Variants in LIN52 observed in about 807,000 individuals in gnomAD.
LIN52 encodes protein lin-52 homolog.
LIN52 carries 4 observed loss-of-function variants against 18.5 expected under a neutral mutation model. The observed-to-expected ratio is 0.22, with a 90% CI of 0.11 to 0.49. The LOEUF is 0.49. LIN52 is among the 20% of genes least tolerant of loss of function. The pLI is 0.97. For missense variants in LIN52, 102 were observed against 139.5 expected (o/e 0.73, Z 1.35); for synonymous variants, 34 against 45.5 (o/e 0.75, Z 1.02).
intron 5 of LIN52, among the ~76,000 whole-genome samples, chr14:74,160,792 A>G (rs1258006173): frequency 6.6e-6 from 1 of 152,174 alleles, no homozygotes; most frequent in Admixed American, 6.5e-5. Flanking sequence ...GCAGTTTATA[A>G]TCACTCCTTG....
At chr14:74,198,232 A>G (rs1476202469) in intron 5 of LIN52, among the ~76,000 whole-genome samples, 1 of 152,194 alleles carries the variant, frequency 6.6e-6, no homozygotes, top group African/African-American at 2.4e-5. Context: ...GGAGCCTTAT[A>G]TGTAGGAAAG....
intron 5 of LIN52, among the ~76,000 whole-genome samples, chr14:74,178,686 C>T (rs2061303767): frequency 6.6e-6 from 1 of 151,768 alleles, no homozygotes. Flanking sequence ...TCTCAAATTC[C>T]TGGCCTCAAG....
intron 5 of LIN52, among the ~76,000 whole-genome samples, chr14:74,145,880 C>A (rs2061150981): frequency 6.6e-6 from 1 of 152,124 alleles, no homozygotes; most frequent in African/African-American, 2.4e-5. Context: ...TTCCACTGGA[C>A]TACCAATATT....
chr14:74,197,630 C>T (rs1052790165), intron 5 of LIN52, among the ~76,000 whole-genome samples: 3 of 152,182 alleles, frequency 2.0e-5, no homozygotes, highest in African/African-American at 7.2e-5. Context: ...GGGTTGTGAG[C>T]ACATGAGGCA....
At chr14:74,095,055 C>T (rs575401658) in intron 2 of LIN52, among the ~76,000 whole-genome samples, 1 of 151,916 alleles carries the variant, frequency 6.6e-6, no homozygotes. Context: ...TGATAGCTTA[C>T]TGCAGCCTCC....
At chr14:74,174,087 C>T (rs2061282171) in intron 5 of LIN52, among the ~76,000 whole-genome samples, 1 of 152,162 alleles carries the variant, frequency 6.6e-6, no homozygotes, top group Admixed American at 6.5e-5. Flanking sequence ...TTAATTTTTG[C>T]TCAGCTCTAG....
intron 5 of LIN52, among the ~76,000 whole-genome samples, chr14:74,124,085 A>G (rs954749397): frequency 2.0e-5 from 3 of 152,262 alleles, no homozygotes; most frequent in Admixed American, 1.3e-4. Flanking sequence ...CAAGATGATC[A>G]TGGACTTTAT....
chr14:74,123,989 A>C (rs887710333), intron 5 of LIN52, among the ~76,000 whole-genome samples: 3 of 152,214 alleles, frequency 2.0e-5, no homozygotes, highest in Admixed American at 1.3e-4. Flanking sequence ...TGAGAGAGTT[A>C]AATTGGATGA....
intron 5 of LIN52, among the ~76,000 whole-genome samples, chr14:74,113,091 G>A (rs1197688821): frequency 6.6e-6 from 1 of 152,052 alleles, no homozygotes; most frequent in Non-Finnish European, 1.5e-5. Flanking sequence ...TGCAATTTCT[G>A]GAACATTGGA....
chr14:74,130,278 G>GTTTGTTTTTTTTTTTTTTTTTTTTTTT (rs1555382571), intron 5 of LIN52, among the ~76,000 whole-genome samples: 10 of 64,842 alleles, frequency 1.5e-4, no homozygotes, highest in African/African-American at 5.7e-4. Context: ...GCATTTTTTG[G>GTTTGTTTTTTTTTTTTTTTTTTTTTTT]TTTTTTTTTT....
chr14:74,188,190 A>T (rs1277895162), intron 5 of LIN52, among the ~76,000 whole-genome samples: 1 of 152,150 alleles, frequency 6.6e-6, no homozygotes, highest in South Asian at 2.1e-4. Context: ...TAATTTTACA[A>T]ACAAGGCCAC....
chr14:74,120,585 T>C (rs1200913315), intron 5 of LIN52, among the ~76,000 whole-genome samples: 6 of 152,002 alleles, frequency 3.9e-5, no homozygotes, highest in Non-Finnish European at 8.8e-5. Context: ...TGAAACCCCG[T>C]CTCTACTAAA....
At chr14:74,134,693 T>C (rs8009513) in intron 5 of LIN52, among the ~76,000 whole-genome samples, 34,136 of 152,068 alleles carry the variant, frequency 0.22, 4,166 homozygotes, top group South Asian at 0.46. Context: ...AGCACTCATA[T>C]CTGCTCAAGA....
At chr14:74,177,061 C>T (rs1423380324) in intron 5 of LIN52, among the ~76,000 whole-genome samples, 7 of 151,476 alleles carry the variant, frequency 4.6e-5, no homozygotes, top group East Asian at 3.9e-4. Flanking sequence ...TGCAATGGTG[C>T]GATCTCGGCT....
At chr14:74,108,579 G>A (rs1423491370) in intron 5 of LIN52, among the ~76,000 whole-genome samples, 2 of 151,952 alleles carry the variant, frequency 1.3e-5, no homozygotes, top group Non-Finnish European at 2.9e-5. Context: ...TTATTATCAT[G>A]TCCATCATAG....
rs569769248 is a variant in LIN52, at chr14:74,091,761, G to A, written c.94+455G>A. 2.8e-3 allele frequency among the ~76,000 whole-genome samples: 316 copies of A among 113,996 alleles called. 3 individuals carry two copies. Among genetic ancestry groups the A allele is most frequent in the African/African-American group, 0.011 (312 of 29,578 alleles). 74.8% of individuals were successfully genotyped at this position (113,996 alleles called of 152,430 possible). A position where few individuals can be genotyped will look rare whatever the true frequency, so the allele number is the denominator to read the frequency against. On this transcript the variant is annotated intron_variant, in intron 2 of 5. Transcript: ENST00000555028. ...TGCACTTCAGCCTGTGTGACAGGGT[G>A]AGACTCTGTCTCAAAAAAAAAAAAA... is the stretch of plus-strand genomic sequence containing the variant.
At chr14:74,198,360 G>A (rs1402552609) in intron 5 of LIN52, among the ~76,000 whole-genome samples, 1 of 152,164 alleles carries the variant, frequency 6.6e-6, no homozygotes, top group South Asian at 2.1e-4. Context: ...ACAATGCCAA[G>A]GGAGAGAAGA....
chr14:74,156,456 GTTAC>G (rs1449988417), intron 5 of LIN52, among the ~76,000 whole-genome samples: 1 of 152,084 alleles, frequency 6.6e-6, no homozygotes, highest in Non-Finnish European at 1.5e-5. Flanking sequence ...TACTACCACA[GTTAC>G]TTCTTTTCTT....
At chr14:74,162,458 A>C (rs2061229710) in intron 5 of LIN52, among the ~76,000 whole-genome samples, 1 of 132,942 alleles carries the variant, frequency 7.5e-6, no homozygotes, top group South Asian at 2.5e-4. Flanking sequence ...TGAGCAACAA[A>C]GCAAGACTCC....
Sources: gnomAD v4.1 joint callset for allele counts (sites outside exome capture counted in the v4.1 genomes callset) on GRCh38, gnomAD v4.1.1 for gene constraint, MANE v1.5 for transcripts, NCBI Gene and HGNC (gene_info 2026-07-23, HGNC 2026-07-21) for gene names.